Variants in ARHGAP10 observed in about 807,000 individuals in gnomAD.
The protein encoded by ARHGAP10 is Rho GTPase activating protein 10.
Under a neutral mutation model 108.6 loss-of-function variants are expected in ARHGAP10, and 87 were observed. The ratio of observed to expected loss-of-function variants is 0.80; its 90% confidence interval spans 0.67 to 0.96. ARHGAP10 has a LOEUF of 0.96. ARHGAP10 is among the 40% of genes least tolerant of loss of function. The pLI, the probability that ARHGAP10 is intolerant of heterozygous loss-of-function variation, is 0.00. For synonymous variants in ARHGAP10, 347 were observed against 341.1 expected, an observed-to-expected ratio of 1.02 and a Z score of -0.19; for missense variants, 939 against 954.5, an observed-to-expected ratio of 0.98 and a Z score of 0.21.
At chr4:147,774,765 T>C (rs1268249085) in intron 1 of ARHGAP10, among the ~76,000 whole-genome samples, 3 of 152,206 alleles carry the variant, frequency 2.0e-5, no homozygotes, top group Non-Finnish European at 4.4e-5. Context: ...AGATTACCTC[T>C]TGGGGCAAAG....
chr4:148,062,371 C>T (rs183269829), intron 20 of ARHGAP10, among the ~76,000 whole-genome samples: 5 of 152,288 alleles, frequency 3.3e-5, no homozygotes, highest in Admixed American at 1.3e-4. Flanking sequence ...GTGAAGAGCA[C>T]CTGGGTGCTG....
intron 12 of ARHGAP10, among the ~76,000 whole-genome samples, chr4:147,912,556 TATATATATATATATATATATATATA>T (rs1461704764): frequency 1.9e-3 from 2 of 1,074 alleles, no homozygotes; most frequent in African/African-American, 2.2e-3. Context: ...CAAATATATA[TATATATATATATATATATATATATA>T]TATATATATA....
chr4:147,935,080 C>T (rs1027301294), intron 13 of ARHGAP10, among the ~76,000 whole-genome samples: 1 of 152,172 alleles, frequency 6.6e-6, no homozygotes, highest in African/African-American at 2.4e-5. Flanking sequence ...AAGAGCATTC[C>T]TGCTGGGGAG....
At chr4:147,737,128 TTTTA>T (rs779216028) in intron 1 of ARHGAP10, among the ~76,000 whole-genome samples, 22 of 152,146 alleles carry the variant, frequency 1.4e-4, no homozygotes, top group Non-Finnish European at 2.6e-4. Flanking sequence ...GCCCTAGGTT[TTTTA>T]TTTATTATTA....
intron 19 of ARHGAP10, among the ~76,000 whole-genome samples, chr4:148,024,153 G>T (rs1741679333): frequency 6.6e-6 from 1 of 152,206 alleles, no homozygotes; most frequent in Non-Finnish European, 1.5e-5. Flanking sequence ...ATGGTTATTG[G>T]TGTGGAGAAT....
chr4:147,828,577 G>A (rs542842293), intron 3 of ARHGAP10, among the ~76,000 whole-genome samples: 1 of 152,360 alleles, frequency 6.6e-6, no homozygotes, highest in East Asian at 1.9e-4. Flanking sequence ...AAGTGATTGA[G>A]AAATTCAGGG....
chr4:147,784,279 CATTAA>C (rs1430935331), intron 1 of ARHGAP10, among the ~76,000 whole-genome samples: 1 of 112,860 alleles, frequency 8.9e-6, no homozygotes, highest in African/African-American at 3.4e-5. Flanking sequence ...ATTTACATAA[CATTAA>C]ATTATATAAT....
chr4:147,751,339 G>A (rs764607129), intron 1 of ARHGAP10, among the ~76,000 whole-genome samples: 55 of 151,710 alleles, frequency 3.6e-4, no homozygotes, highest in Middle Eastern at 3.4e-3. Context: ...TAATGGTGGT[G>A]TTTGTAGTAG....
chr4:147,768,814 C>T (rs770336388), intron 1 of ARHGAP10, among the ~76,000 whole-genome samples: 9 of 150,190 alleles, frequency 6.0e-5, no homozygotes, highest in Non-Finnish European at 1.2e-4. Context: ...TCTCTGTTCA[C>T]TGCAGCCTCC....
At chr4:147,783,288 ATGTAT>A (rs1340285702) in intron 1 of ARHGAP10, among the ~76,000 whole-genome samples, 1 of 144,634 alleles carries the variant, frequency 6.9e-6, no homozygotes, top group Non-Finnish European at 1.5e-5. Context: ...ACATTAAATT[ATGTAT>A]TGTATAATTT....
chr4:148,052,392 CTTT>C (rs35449374), intron 20 of ARHGAP10, among the ~76,000 whole-genome samples: 4 of 90,706 alleles, frequency 4.4e-5, no homozygotes, highest in African/African-American at 4.4e-5. Flanking sequence ...TGCACATTTG[CTTT>C]TTTTTTTTTT....
chr4:147,790,417 T>C (rs13116955), intron 1 of ARHGAP10, among the ~76,000 whole-genome samples: 115,105 of 152,210 alleles, frequency 0.76, 49,081 homozygotes, highest in Non-Finnish European at 0.94. Flanking sequence ...AAAAATGGGC[T>C]GTCTGGCAGA....
chr4:147,888,493 A>G (rs59178803), intron 10 of ARHGAP10, among the ~76,000 whole-genome samples: 4,055 of 152,270 alleles, frequency 0.027, 183 homozygotes, highest in African/African-American at 0.093. Context: ...CTACCATATA[A>G]ATACTAATAT....
At chr4:148,052,374 T>G (rs1001814234) in intron 20 of ARHGAP10, among the ~76,000 whole-genome samples, 9 of 146,262 alleles carry the variant, frequency 6.2e-5, no homozygotes, top group East Asian at 4.1e-4. Flanking sequence ...CTTTTAAAAG[T>G]GTTTTTTTGC....
chr4:147,787,008 T>C (rs1443477149), intron 1 of ARHGAP10, among the ~76,000 whole-genome samples: 2 of 152,202 alleles, frequency 1.3e-5, no homozygotes, highest in East Asian at 3.9e-4. Context: ...TGTCAGTCAC[T>C]TTTTTGTTCC....
At chr4:147,994,671 C>T (rs992443981) in intron 18 of ARHGAP10, among the ~76,000 whole-genome samples, 17 of 152,274 alleles carry the variant, frequency 1.1e-4, no homozygotes, top group Non-Finnish European at 2.1e-4. Context: ...TTGCTTTATT[C>T]GTAGATTGAA....
At chr4:147,877,178 T>C (rs1477782557) in intron 8 of ARHGAP10, among the ~76,000 whole-genome samples, 1 of 152,206 alleles carries the variant, frequency 6.6e-6, no homozygotes, top group African/African-American at 2.4e-5. Flanking sequence ...TGGGCTAAGC[T>C]TAAATTTTTT....
At chr4:147,967,630 A>G (rs1014777659) in intron 18 of ARHGAP10, among the ~76,000 whole-genome samples, 5 of 152,294 alleles carry the variant, frequency 3.3e-5, no homozygotes, top group Admixed American at 2.0e-4. Context: ...CACTTTCCCA[A>G]ATTACTGTTA....
intron 18 of ARHGAP10, among the ~76,000 whole-genome samples, chr4:147,992,464 A>G (rs973324225): frequency 9.2e-5 from 14 of 152,012 alleles, no homozygotes; most frequent in Admixed American, 7.2e-4. Context: ...GTGGAGTGCA[A>G]TGGCGCTATC....
Sources: gnomAD v4.1 joint callset for allele counts (sites outside exome capture counted in the v4.1 genomes callset) on GRCh38, gnomAD v4.1.1 for gene constraint, MANE v1.5 for transcripts, NCBI Gene and HGNC (gene_info 2026-07-23, HGNC 2026-07-21) for gene names.